CCSER1: variants seen among roughly 807,000 people sequenced by gnomAD.
CCSER1 encodes the protein serine-rich coiled-coil domain-containing protein 1.
Under a neutral mutation model 82.0 loss-of-function variants are expected in CCSER1, and 41 were observed. That is an observed-to-expected ratio of 0.50 (90% confidence interval 0.39 to 0.65). The LOEUF (loss-of-function observed/expected upper bound fraction) is 0.65. Among genes scored for constraint, CCSER1 ranks in the 30% least tolerant of loss-of-function variants. The pLI, the probability that CCSER1 is intolerant of heterozygous loss-of-function variation, is 0.00. For missense variants in CCSER1, 1,119 were observed against 1,064.2 expected, an observed-to-expected ratio of 1.05 and a Z score of -0.72; for synonymous variants, 414 against 383.9, an observed-to-expected ratio of 1.08 and a Z score of -0.92.
intron 5 of CCSER1, among the ~76,000 whole-genome samples, chr4:90,542,468 G>A (rs997042155): frequency 7.2e-5 from 11 of 152,038 alleles, no homozygotes; most frequent in Non-Finnish European, 1.0e-4. Context: ...ACAGGAAAGC[G>A]ATCCAACTAA....
chr4:91,541,355 T>A (rs1473367249), intron 10 of CCSER1, among the ~76,000 whole-genome samples: 4 of 152,198 alleles, frequency 2.6e-5, no homozygotes, highest in Non-Finnish European at 5.9e-5. Context: ...ATTAGGTATA[T>A]CTCCTAATGC....
intron 6 of CCSER1, among the ~76,000 whole-genome samples, chr4:90,636,914 C>G (rs978006554): frequency 4.6e-5 from 7 of 152,070 alleles, no homozygotes; most frequent in African/African-American, 1.7e-4. Context: ...TTTGTTTATA[C>G]AGATAACCTA....
At chr4:90,981,905 T>G (rs1288941135) in intron 9 of CCSER1, among the ~76,000 whole-genome samples, 2 of 151,828 alleles carry the variant, frequency 1.3e-5, no homozygotes, top group Non-Finnish European at 2.9e-5. Context: ...CCAAAACTGA[T>G]GCATGAGAGT....
intron 1 of CCSER1, among the ~76,000 whole-genome samples, chr4:90,271,843 T>TAC (rs1560918834): frequency 3.5e-4 from 8 of 22,998 alleles, no homozygotes; most frequent in Non-Finnish European, 5.6e-4. Context: ...TATATATATA[T>TAC]ATATATATAT....
intron 8 of CCSER1, among the ~76,000 whole-genome samples, chr4:90,893,016 T>A (rs993579352): frequency 6.6e-5 from 10 of 152,132 alleles, no homozygotes; most frequent in African/African-American, 2.4e-4. Flanking sequence ...ACTAAACTTC[T>A]GAGTACTACT....
At chr4:91,468,440 C>A (rs923081859) in intron 10 of CCSER1, among the ~76,000 whole-genome samples, 7 of 151,450 alleles carry the variant, frequency 4.6e-5, no homozygotes, top group African/African-American at 1.7e-4. Flanking sequence ...CAACATGGCA[C>A]ATGTATACAT....
At chr4:91,070,316 A>T (rs190099066) in intron 9 of CCSER1, among the ~76,000 whole-genome samples, 3 of 152,250 alleles carry the variant, frequency 2.0e-5, no homozygotes, top group Non-Finnish European at 2.9e-5. Flanking sequence ...AAACTAAATC[A>T]TTACTCTTGG....
chr4:91,187,072 G>T (rs760960629), intron 10 of CCSER1, among the ~76,000 whole-genome samples: 82 of 152,310 alleles, frequency 5.4e-4, no homozygotes, highest in Non-Finnish European at 1.1e-3. Flanking sequence ...GCTTCCCTTG[G>T]CTAGGAAAGG....
intron 4 of CCSER1, among the ~76,000 whole-genome samples, chr4:90,454,372 T>C (rs1035463095): frequency 6.6e-6 from 1 of 152,026 alleles, no homozygotes; most frequent in African/African-American, 2.4e-5. Context: ...GCCCGAGTAA[T>C]AAACTTATCC....
intron 3 of CCSER1, among the ~76,000 whole-genome samples, chr4:90,392,957 T>C (rs1751423149): frequency 6.6e-6 from 1 of 152,162 alleles, no homozygotes; most frequent in Admixed American, 6.5e-5. Context: ...AAAATAACAG[T>C]GAAATCACAG....
At chr4:90,859,935 A>T (rs146721092) in intron 8 of CCSER1, among the ~76,000 whole-genome samples, 2,351 of 151,792 alleles carry the variant, frequency 0.015, 69 homozygotes, top group African/African-American at 0.053. Context: ...GTATTTAAAA[A>T]TTTGATATAA....
intron 10 of CCSER1, among the ~76,000 whole-genome samples, chr4:91,330,560 T>C (rs114606336): frequency 0.03 from 4,549 of 152,274 alleles, 212 homozygotes; most frequent in African/African-American, 0.1. Context: ...GTCTTCCCCT[T>C]GCGGAAGCAA....
At chr4:90,951,634 G>A (rs1046856050) in intron 9 of CCSER1, among the ~76,000 whole-genome samples, 3 of 152,058 alleles carry the variant, frequency 2.0e-5, no homozygotes, top group African/African-American at 7.2e-5. Context: ...AAATATTAAT[G>A]AAGAGATGTT....
chr4:90,465,536 C>A (rs1388578825), intron 4 of CCSER1, among the ~76,000 whole-genome samples: 4 of 151,964 alleles, frequency 2.6e-5, no homozygotes, highest in Admixed American at 2.0e-4. Context: ...GTTTTTATTT[C>A]TTTTCTCTAC....
chr4:91,473,267 G>T (rs993644791), intron 10 of CCSER1, among the ~76,000 whole-genome samples: 1 of 152,178 alleles, frequency 6.6e-6, no homozygotes, highest in Non-Finnish European at 1.5e-5. Flanking sequence ...AATTTTCATT[G>T]TGGAAGCTTC....
At chr4:91,297,137 G>T (rs1230220748) in intron 10 of CCSER1, among the ~76,000 whole-genome samples, 3 of 151,852 alleles carry the variant, frequency 2.0e-5, no homozygotes, top group Non-Finnish European at 4.4e-5. Context: ...GTTAGGCAGT[G>T]AAGAGTCTTG....
chr4:91,037,723 A>G (rs1410667057), intron 9 of CCSER1, among the ~76,000 whole-genome samples: 1 of 152,028 alleles, frequency 6.6e-6, no homozygotes, highest in East Asian at 1.9e-4. Flanking sequence ...ATATTTAAAT[A>G]TGTATCTATA....
intron 10 of CCSER1, among the ~76,000 whole-genome samples, chr4:91,297,358 T>G (rs548767071): frequency 2.5e-4 from 36 of 146,740 alleles, no homozygotes; most frequent in Non-Finnish European, 3.0e-4. Context: ...CTGAGGAGAA[T>G]GGATGCTTGT....
intron 7 of CCSER1, among the ~76,000 whole-genome samples, chr4:90,771,520 C>A (rs1752158127): frequency 3.5e-5 from 5 of 144,488 alleles, no homozygotes; most frequent in African/African-American, 1.3e-4. Flanking sequence ...AACGTTAAAA[C>A]CCTTTTACCA....
Sources: gnomAD v4.1 joint callset for allele counts (sites outside exome capture counted in the v4.1 genomes callset) on GRCh38, gnomAD v4.1.1 for gene constraint, MANE v1.5 for transcripts, NCBI Gene and HGNC (gene_info 2026-07-23, HGNC 2026-07-21) for gene names.